Variants in FAM193A observed in about 807,000 individuals in gnomAD.
FAM193A encodes the protein protein FAM193A.
A neutral mutation model predicts 126.5 loss-of-function variants in FAM193A; 22 were observed. The ratio of observed to expected loss-of-function variants is 0.17; its 90% CI spans 0.12 to 0.25. The LOEUF (loss-of-function observed/expected upper bound fraction) is 0.25, where lower values mean the gene tolerates loss of function less well. FAM193A is among the 10% of genes least tolerant of loss of function. The pLI, the probability that FAM193A is intolerant of heterozygous loss-of-function variation, is 1.00. For missense variants in FAM193A, 1,675 were observed against 1,672.8 expected, an observed-to-expected ratio of 1.00 and a Z score of -0.02; for synonymous variants, 761 against 646.8, an observed-to-expected ratio of 1.18 and a Z score of -2.68.
At chr4:2,594,621 C>G (rs1740747122) in intron 1 of FAM193A, among the ~76,000 whole-genome samples, 1 of 152,076 alleles carries the variant, frequency 6.6e-6, no homozygotes, top group Non-Finnish European at 1.5e-5. Context: ...GTGCCTCCCT[C>G]CAGCCTCTCC....
intron 6 of FAM193A, among the ~76,000 whole-genome samples, chr4:2,642,518 A>G (rs539316189): frequency 6.6e-6 from 1 of 152,226 alleles, no homozygotes; most frequent in African/African-American, 2.4e-5. Flanking sequence ...TGAATCTGGA[A>G]TGTGGAGTAG....
intron 20 of FAM193A, among the ~76,000 whole-genome samples, chr4:2,719,770 T>TCCCTC (rs1560613914): frequency 1.6e-5 from 2 of 127,136 alleles, no homozygotes; most frequent in African/African-American, 3.5e-5. Context: ...CCTCCTTCCT[T>TCCCTC]CCTCCCTCCC....
intron 18 of FAM193A, among the ~76,000 whole-genome samples, 167 bp downstream of exon 18, chr4:2,696,760 A>C (rs980116996): frequency 1.3e-5 from 2 of 152,166 alleles, no homozygotes; most frequent in African/African-American, 2.4e-5. Context: ...TGGTGGCCTG[A>C]ACTGGAGACT....
intron 1 of FAM193A, among the ~76,000 whole-genome samples, chr4:2,595,790 A>T (rs1270960206): frequency 6.6e-6 from 1 of 152,220 alleles, no homozygotes; most frequent in African/African-American, 2.4e-5. Context: ...CAGTCTGAAA[A>T]TTGAGGCTGA....
chr4:2,690,412 TCA>T (rs1344372804), intron 14 of FAM193A, among the ~76,000 whole-genome samples: 8 of 152,248 alleles, frequency 5.3e-5, no homozygotes, highest in Non-Finnish European at 1.2e-4. Context: ...TCTCTGAGCC[TCA>T]GTTTCTTCAT....
chr4:2,723,989 CAGA>C (rs1720454568), intron 20 of FAM193A, among the ~76,000 whole-genome samples: 1 of 151,418 alleles, frequency 6.6e-6, no homozygotes, highest in African/African-American at 2.4e-5. Context: ...TCTCAACAGT[CAGA>C]AGACATAATG....
At chr4:2,664,558 CTTTTTTTTTTTTTTT>C (rs33958851) in intron 12 of FAM193A, among the ~76,000 whole-genome samples, 5 of 73,074 alleles carry the variant, frequency 6.8e-5, no homozygotes, top group African/African-American at 2.1e-4. Context: ...TATTTTCTTT[CTTTTTTTTTTTTTTT>C]TTTTTTTTTT....
intron 18 of FAM193A, among the ~76,000 whole-genome samples, chr4:2,699,439 C>CA (rs1229063216): frequency 2.4e-5 from 2 of 81,734 alleles, no homozygotes; most frequent in Non-Finnish European, 5.4e-5. Flanking sequence ...AACTACCACC[C>CA]CCCCCCCCAC....
At position 2,537,190 on chromosome 4, in the gene FAM193A, A is replaced by C. The variant is rs1223559849; in HGVS notation, c.255+20A>C. ...TTCGAGGTAAGCGGCGGCAGCGGGC[A>C]GGGGTCGATGGCGGTACGCGGTTGC... is the stretch of plus-strand genomic sequence containing the variant. On this transcript the variant is annotated intron_variant, in intron 1 of 20. Transcript: ENST00000637812. 4.8e-5 allele frequency: 9 copies of C among 186,012 alleles called. No individual in the cohort carries two copies. Among genetic ancestry groups the C allele is most frequent in the Non-Finnish European group, 4.4e-5 (4 of 90,348 alleles). The allele number at this position is 186,012 out of a possible 1,614,324, so 11.5% of individuals were successfully genotyped here.
intron 5 of FAM193A, among the ~76,000 whole-genome samples, chr4:2,632,441 G>A (rs145922045): frequency 2.0e-4 from 30 of 152,242 alleles, no homozygotes; most frequent in Non-Finnish European, 4.4e-5. Flanking sequence ...GCGTGATGAC[G>A]CATGCTACTC....
Position 2,731,893 on chromosome 4 carries a change from C to G in FAM193A, c.*25C>G. 3.8e-6 allele frequency: 6 copies of G among 1,559,260 alleles called. 1 individual carries two copies. The highest frequency in any genetic ancestry group is 2.2e-5 in the South Asian group (2 of 89,928). On this transcript the variant is annotated 3_prime_UTR_variant, in exon 21 of 21. Coordinates refer to ENST00000637812, the MANE Select transcript of FAM193A (RefSeq NM_001366318.2). ...AATGAGGACTCCCTGGAGAGGGACA[C>G]GCGAGAGGCAGGCCAGGCTGCACCA...
At chr4:2,568,535 T>A (rs1739103224) in intron 1 of FAM193A, among the ~76,000 whole-genome samples, 3 of 152,116 alleles carry the variant, frequency 2.0e-5, no homozygotes, top group Admixed American at 6.6e-5. Context: ...AAATAAATAA[T>A]TTTAACATCA....
intron 1 of FAM193A, among the ~76,000 whole-genome samples, chr4:2,551,798 GC>G (rs1183679727): frequency 6.6e-6 from 1 of 150,382 alleles, no homozygotes; most frequent in African/African-American, 2.4e-5. Flanking sequence ...TAAACACTTT[GC>G]CTTATTATTT....
intron 1 of FAM193A, among the ~76,000 whole-genome samples, chr4:2,567,120 T>G (rs921039777): frequency 6.6e-6 from 1 of 151,410 alleles, no homozygotes; most frequent in African/African-American, 2.4e-5. Context: ...TTTTTTTTTT[T>G]TGTATTTTTA....
At chr4:2,558,054 G>C (rs1001103695) in intron 1 of FAM193A, among the ~76,000 whole-genome samples, 1 of 152,010 alleles carries the variant, frequency 6.6e-6, no homozygotes, top group Non-Finnish European at 1.5e-5. Flanking sequence ...GGGTGGATCA[G>C]TTGAGGCCAG....
At chr4:2,623,457 A>G (rs1577088179) in intron 2 of FAM193A, among the ~76,000 whole-genome samples, 1 of 151,812 alleles carries the variant, frequency 6.6e-6, no homozygotes, top group Admixed American at 6.6e-5. Flanking sequence ...GGCGTGAGCC[A>G]CCGCGCCTGG....
In FAM193A at chr4:2,639,048, T is replaced by C. The variant is rs1238851456; in HGVS notation, c.1039-687T>C. Among the ~76,000 whole-genome samples, 3 of 152,320 alleles carry C rather than the reference T, an allele frequency of 2.0e-5. No homozygotes were observed. In the East Asian group the frequency reaches 5.8e-4, roughly 29 times the overall value. ...AAGCATGGATTCACACACGCATGGT[T>C]GTAGCAAGACTTATTAAATGTGAAC... On this transcript the variant is annotated intron_variant, in intron 5 of 20. Coordinates refer to ENST00000637812, the MANE Select transcript of FAM193A (RefSeq NM_001366318.2).
intron 2 of FAM193A, among the ~76,000 whole-genome samples, chr4:2,603,294 T>C (rs1300992408): frequency 3.5e-4 from 52 of 150,168 alleles, no homozygotes; most frequent in Non-Finnish European, 1.5e-5. Flanking sequence ...TTTTTTGTTT[T>C]TTTTTTTGAG....
In FAM193A at chr4:2,731,907, C is replaced by T. The variant is rs1474953476; in HGVS notation, c.*39C>T. 1.4e-6 allele frequency: 2 copies of T among 1,460,332 alleles called. No individual in the cohort carries two copies. Among genetic ancestry groups the T allele is most frequent in the South Asian group, 2.3e-5 (2 of 87,974 alleles). The allele number at this position is 1,460,332 out of a possible 1,614,324, so 90.5% of individuals were successfully genotyped here. ...GGAGAGGGACACGCGAGAGGCAGGC[C>T]AGGCTGCACCACCCCAAGAGCCACG... On this transcript the variant is annotated 3_prime_UTR_variant, in exon 21 of 21. Coordinates refer to ENST00000637812, the MANE Select transcript of FAM193A (RefSeq NM_001366318.2).
Sources: gnomAD v4.1 joint callset for allele counts (sites outside exome capture counted in the v4.1 genomes callset) on GRCh38, gnomAD v4.1.1 for gene constraint, MANE v1.5 for transcripts, NCBI Gene and HGNC (gene_info 2026-07-23, HGNC 2026-07-21) for gene names.